Variants in P2RX4 observed in about 807,000 individuals in gnomAD.
The protein encoded by P2RX4 is P2X purinoceptor 4.
In P2RX4, 37 loss-of-function variants were observed where a neutral mutation model predicts 48.0. The ratio of observed to expected loss-of-function variants is 0.77; its 90% confidence interval spans 0.59 to 1.01. P2RX4 has a LOEUF of 1.01. P2RX4 is among the 50% of genes least tolerant of loss of function. P2RX4 has a pLI of 0.00. For synonymous variants in P2RX4, 200 were observed against 199.7 expected, an observed-to-expected ratio of 1.00 and a Z score of -0.01; for missense variants, 501 against 521.4, an observed-to-expected ratio of 0.96 and a Z score of 0.38.
At position 121,229,236 on chromosome 12, in the gene P2RX4, C is replaced by T. The variant is rs1184459815; in HGVS notation, c.884+137C>T. On this transcript the variant is annotated intron_variant, in intron 8 of 11. Coordinates refer to ENST00000337233, the MANE Select transcript of P2RX4 (RefSeq NM_002560.3). The surrounding 1 kb of genome is among the most constrained non-coding windows in gnomAD (Gnocchi z 4.6). ...GCTGCCGGTCCCCCGTCCAAGGCGGCGGGAAGGCCATGCTGGGAAAATGCC... is the reference window on the plus strand; with the variant it reads ...GCTGCCGGTCCCCCGTCCAAGGCGGTGGGAAGGCCATGCTGGGAAAATGCC... The T allele has an allele frequency of 6.5e-6, 7 of 1,079,132 alleles. No individual in the cohort carries two copies. Among genetic ancestry groups the T allele is most frequent in the Non-Finnish European group, 8.2e-6 (6 of 727,686 alleles). The allele number at this position is 1,079,132 out of a possible 1,614,324, so 66.8% of individuals were successfully genotyped here.
At chr12:121,214,536 G>A (rs1336185689) in intron 1 of P2RX4, 1 of 152,134 alleles carries the variant, frequency 6.6e-6, no homozygotes. Flanking sequence ...ACATGATAAT[G>A]AGTGGCATGA....
Position 121,221,991 on chromosome 12 carries a change from G to C in P2RX4, c.354+7G>C. 6.2e-7 allele frequency: 1 copy of C among 1,613,878 alleles called. No homozygotes were observed. Among genetic ancestry groups the C allele is most frequent in the Non-Finnish European group, 8.5e-7 (1 of 1,179,718 alleles). On this transcript the variant is annotated splice_region_variant and intron_variant, in intron 3 of 11. Transcript: ENST00000337233. ...ACAGGGCCTGTGCCCCGAGGTAGGA[G>C]GCCCCCGGGAAGAGCCCCAGGCCCC...
rs1885702602 is a variant in P2RX4 at position 121,210,133 on chromosome 12, C to T, written c.-32C>T. The T allele has an allele frequency of 1.3e-6, 2 of 1,495,092 alleles. No homozygotes were observed. The highest frequency in any genetic ancestry group is 2.9e-5 in the African/African-American group (2 of 69,092). The allele number at this position is 1,495,092 out of a possible 1,614,324, so 92.6% of individuals were successfully genotyped here. On this transcript the variant is annotated 5_prime_UTR_variant, in exon 1 of 12. Coordinates refer to ENST00000337233, the MANE Select transcript of P2RX4 (RefSeq NM_002560.3). ...TCCGAGCGGGGACTGGGACCCAGAC[C>T]GACTAGGGGACTGGGAGCGGGCGGC...
intron 8 of P2RX4, among the ~76,000 whole-genome samples, chr12:121,231,469 C>T (rs372433375): frequency 1.3e-5 from 2 of 152,292 alleles, no homozygotes; most frequent in African/African-American, 4.8e-5. Context: ...ATCCCCCGGC[C>T]CCTGGCAACA....
At chr12:121,217,645 G>A in intron 2 of P2RX4, among the ~76,000 whole-genome samples, 1 of 151,860 alleles carries the variant, frequency 6.6e-6, no homozygotes. Flanking sequence ...AAAACTTTAG[G>A]CCGGGCACAG....
intron 2 of P2RX4, among the ~76,000 whole-genome samples, chr12:121,219,207 C>T (rs1393619865): frequency 1.3e-5 from 2 of 152,164 alleles, no homozygotes; most frequent in African/African-American, 4.8e-5. Flanking sequence ...CATGCCACAT[C>T]CTCACGCCTC....
At chr12:121,211,226 G>T (rs1031333266) in intron 1 of P2RX4, among the ~76,000 whole-genome samples, 2 of 152,012 alleles carry the variant, frequency 1.3e-5, no homozygotes, top group African/African-American at 4.8e-5. Context: ...TTTTGAGACG[G>T]AATTTCTCTC....
intron 1 of P2RX4, chr12:121,216,721 G>A (rs1302604580): frequency 2.2e-6 from 1 of 459,416 alleles, no homozygotes; most frequent in African/African-American, 2.0e-5. Flanking sequence ...TTGGGAAGCT[G>A]AGGCAGGAGA....
At chr12:121,233,129 T>C (rs1245649782) in intron 11 of P2RX4, 37 bp downstream of exon 11, 1 of 1,441,384 alleles carries the variant, frequency 6.9e-7, no homozygotes, top group Non-Finnish European at 9.7e-7. Context: ...CACAGGCCTC[T>C]CATCTCTTGG....
chr12:121,218,086 A>G (rs75500946), intron 2 of P2RX4, among the ~76,000 whole-genome samples: 1,646 of 152,236 alleles, frequency 0.011, 36 homozygotes, highest in African/African-American at 0.037. Flanking sequence ...GCCAGGGAAA[A>G]CAAGAACTCC....
chr12:121,229,663 A>G lies in P2RX4; in HGVS notation c.884+564A>G, dbSNP rs969963814. 2.6e-5 allele frequency among the ~76,000 whole-genome samples: 4 copies of G among 152,136 alleles called. No homozygotes were observed. Among genetic ancestry groups the G allele is most frequent in the South Asian group, 4.1e-4 (2 of 4,820 alleles). The stretch of plus-strand genomic sequence containing the variant: ...CAACTACAGGACTTGATTCTCTCAC[A>G]GTTCTCACAGTTCTAGAGGCCACAA... On this transcript the variant is annotated intron_variant, in intron 8 of 11. Transcript: ENST00000337233. The surrounding 1 kb of genome is among the most constrained non-coding windows in gnomAD (Gnocchi z 4.6).
At chr12:121,228,164 C>T (rs969631856) in intron 5 of P2RX4, among the ~76,000 whole-genome samples, 5 of 151,384 alleles carry the variant, frequency 3.3e-5, no homozygotes, top group Non-Finnish European at 7.4e-5. Flanking sequence ...CTGAAGCAGG[C>T]GGATCACTTG....
chr12:121,227,779 GTA>G (rs1262068267), intron 5 of P2RX4, among the ~76,000 whole-genome samples: 2 of 152,144 alleles, frequency 1.3e-5, no homozygotes, highest in Non-Finnish European at 2.9e-5. Context: ...TAAGATGTGT[GTA>G]TATGTTTTTA....
intron 2 of P2RX4, among the ~76,000 whole-genome samples, chr12:121,219,045 AG>A (rs1886403060): frequency 6.6e-6 from 1 of 152,166 alleles, no homozygotes; most frequent in African/African-American, 2.4e-5. Context: ...AGAAAGAAGG[AG>A]AGATAGGAAA....
chr12:121,215,450 T>G (rs1886168528), intron 1 of P2RX4: 1 of 64,798 alleles, frequency 1.5e-5, no homozygotes, highest in Non-Finnish European at 3.1e-5. Flanking sequence ...TGGTTTTTTT[T>G]TTTTTTTTTT....
chr12:121,228,775 A>T lies in P2RX4; in HGVS notation c.656A>T (p.Tyr219Phe), dbSNP rs754590222. 1 of 1,614,138 alleles carries T rather than the reference A, an allele frequency of 6.2e-7. No homozygotes were observed. Among genetic ancestry groups the T allele is most frequent in the East Asian group, 2.2e-5 (1 of 44,870 alleles). Reference protein sequence around the residue: ...ITTTYLKSCIYDAKTDPFCPI... With the variant: ...ITTTYLKSCIFDAKTDPFCPI... The stretch of plus-strand genomic sequence containing the variant: ...ACTACTTACCTCAAGTCGTGCATTT[A>T]TGATGCTAAAACAGATCCCTTCTGC... The change falls in exon 7 of 12, where the codon TAT becomes TTT. Residue 219 changes from tyrosine to phenylalanine, a missense_variant. Around this residue, in one of 3 missense-constraint regions of P2RX4, gnomAD observed 9 missense variants for 26.6 expected, o/e 0.34. Transcript: ENST00000337233.
At chr12:121,226,452 A>G (rs1186555874) in intron 5 of P2RX4, among the ~76,000 whole-genome samples, 2 of 151,980 alleles carry the variant, frequency 1.3e-5, no homozygotes, top group Non-Finnish European at 2.9e-5. Context: ...CTGAGGCACG[A>G]GAATTGCTTG....
chr12:121,233,700 T>G lies in P2RX4; in HGVS notation c.*151T>G. 1 of 1,515,826 alleles carries G rather than the reference T, an allele frequency of 6.6e-7. No individual in the cohort carries two copies. The highest frequency in any genetic ancestry group is 8.9e-7 in the Non-Finnish European group (1 of 1,129,090). 93.9% of individuals were successfully genotyped at this position (1,515,826 alleles called of 1,614,324 possible). A position where few individuals can be genotyped will look rare whatever the true frequency, so the allele number is the denominator to read the frequency against. Reference sequence around the variant, plus strand: ...ACTCAGGGTTCCCCAGCAGCTCCTGTGTGTTGTGTGCAGGATCTGTTTGCC... The same window carrying G: ...ACTCAGGGTTCCCCAGCAGCTCCTGGGTGTTGTGTGCAGGATCTGTTTGCC... On this transcript the variant is annotated 3_prime_UTR_variant, in exon 12 of 12. Transcript: ENST00000337233.
chr12:121,230,975 TATATATA>T (rs1277542261), intron 8 of P2RX4, among the ~76,000 whole-genome samples: 9 of 129,182 alleles, frequency 7.0e-5, no homozygotes, highest in African/African-American at 3.0e-4. Context: ...AGCCATTATA[TATATATA>T]TTTTTTTTTT....
Sources: allele counts gnomAD v4.1 joint callset (sites outside exome capture counted in the v4.1 genomes callset), GRCh38; gene constraint gnomAD v4.1.1; regional missense constraint gnomAD v4.1.1; non-coding constraint Gnocchi (gnomAD v3.1); transcripts MANE v1.5; gene names NCBI Gene and HGNC (gene_info 2026-07-23, HGNC 2026-07-21).